Variants in BPNT2 observed in about 807,000 individuals in gnomAD.
The protein encoded by BPNT2 is Golgi-resident adenosine 3',5'-bisphosphate 3'-phosphatase.
BPNT2 carries 11 observed loss-of-function variants against 29.3 expected under a neutral mutation model. The observed-to-expected ratio is 0.38, with a 90% CI of 0.24 to 0.62. BPNT2 has a LOEUF of 0.62. Ranked by LOEUF, BPNT2 falls within the 20% of genes least tolerant of loss-of-function variation. BPNT2 has a pLI of 0.62. For synonymous variants in BPNT2, 195 were observed against 187.7 expected (o/e 1.04, Z -0.32); for missense variants, 459 against 473.4 (o/e 0.97, Z 0.28).
rs1220805717 is a variant in BPNT2 at position 56,960,724 on chromosome 8, T to C, written c.*3069A>G. ...TACCCAACTCTCTTGTATTTTTTTT[T>C]ACATTTACATTCTTGAACAATGGGT... On this transcript the variant is annotated 3_prime_UTR_variant, in exon 5 of 5. Coordinates refer to ENST00000262644, the MANE Select transcript of BPNT2 (RefSeq NM_017813.5). 6.6e-6 allele frequency: 1 copy of C among 152,194 alleles called. No homozygotes were observed. Among genetic ancestry groups the C allele is most frequent in the East Asian group, 1.9e-4 (1 of 5,196 alleles). The allele number at this position is 152,194 out of a possible 1,614,324, so 9.4% of individuals were successfully genotyped here. A position where few individuals can be genotyped will look rare whatever the true frequency, so the allele number is the denominator to read the frequency against.
chr8:56,959,903 A>G lies in BPNT2; in HGVS notation c.*3890T>C, dbSNP rs1211178752. ...TTCCCTTATTAACATACAATGCCCT[A>G]TTGTTAAGGCACAACTTTTTTTAGA... On this transcript the variant is annotated 3_prime_UTR_variant, in exon 5 of 5. Coordinates refer to ENST00000262644, the MANE Select transcript of BPNT2 (RefSeq NM_017813.5). 1 of 152,224 alleles carries G rather than the reference A, an allele frequency of 6.6e-6. No homozygotes were observed. The highest frequency in any genetic ancestry group is 1.5e-5 in the Non-Finnish European group (1 of 68,034). 9.4% of individuals were successfully genotyped at this position (152,224 alleles called of 1,614,324 possible).
At position 56,963,108 on chromosome 8, in the gene BPNT2, A is replaced by T. The variant is rs1805865900; in HGVS notation, c.*685T>A. On this transcript the variant is annotated 3_prime_UTR_variant, in exon 5 of 5. Coordinates refer to ENST00000262644, the MANE Select transcript of BPNT2 (RefSeq NM_017813.5). ...AGAAATGCTGAACTCATGGGTACAA[A>T]CACACTTTTCTTTATAAAAACAAAA... is the stretch of plus-strand genomic sequence containing the variant. 1 of 152,246 alleles carries T rather than the reference A, an allele frequency of 6.6e-6. No homozygotes were observed. Among genetic ancestry groups the T allele is most frequent in the African/African-American group, 2.4e-5 (1 of 41,448 alleles). The allele number at this position is 152,246 out of a possible 1,614,324, so 9.4% of individuals were successfully genotyped here.
chr8:56,966,505 T>TC (rs1436776137), intron 3 of BPNT2, among the ~76,000 whole-genome samples, 153 bp from the exon 4 acceptor site: 1 of 152,224 alleles, frequency 6.6e-6, no homozygotes. Flanking sequence ...GCTTTTTTTT[T>TC]CAGAGTACAA....
intron 4 of BPNT2, 96 bp downstream of exon 4, chr8:56,966,094 CT>C: frequency 1.5e-6 from 2 of 1,364,804 alleles, no homozygotes. Flanking sequence ...CTCCTCCTCA[CT>C]TTCCTCCCAA....
chr8:56,965,753 A>T (rs1461728086), intron 4 of BPNT2, among the ~76,000 whole-genome samples: 2 of 152,162 alleles, frequency 1.3e-5, no homozygotes, highest in African/African-American at 4.8e-5. Context: ...CAGGTTAAAG[A>T]GTTCAGGGGT....
chr8:56,965,318 C>CA (rs1805923009), intron 4 of BPNT2, among the ~76,000 whole-genome samples: 1 of 151,616 alleles, frequency 6.6e-6, no homozygotes, highest in Admixed American at 6.6e-5. Context: ...GACCCTATCT[C>CA]AAAAAAAGAA....
intron 1 of BPNT2, among the ~76,000 whole-genome samples, chr8:56,985,802 CTTCCCATGTGCCTTGTAGT>C (rs1447491382): frequency 6.6e-6 from 1 of 152,190 alleles, no homozygotes; most frequent in Non-Finnish European, 1.5e-5. Flanking sequence ...GAAGGCTATA[CTTCCCATGTGCCTTGTAGT>C]TAGAGGCAAA....
In BPNT2 at chr8:56,960,504, T is replaced by C. The variant is rs1054722726; in HGVS notation, c.*3289A>G. ...GTTACTTAAAACATACAAACCAAAA[T>C]GTTTTTGTTACTTCATTATATAGTA... is the stretch of plus-strand genomic sequence containing the variant. On this transcript the variant is annotated 3_prime_UTR_variant, in exon 5 of 5. Coordinates refer to ENST00000262644, the MANE Select transcript of BPNT2 (RefSeq NM_017813.5). 4 of 152,210 alleles carry C rather than the reference T, an allele frequency of 2.6e-5. No homozygotes were observed. Among genetic ancestry groups the C allele is most frequent in the Non-Finnish European group, 4.4e-5 (3 of 68,042 alleles). 9.4% of individuals were successfully genotyped at this position (152,210 alleles called of 1,614,324 possible).
At chr8:56,980,247 A>G in intron 1 of BPNT2, 50 bp from the exon 2 acceptor site, 1 of 1,445,238 alleles carries the variant, frequency 6.9e-7, no homozygotes, top group East Asian at 2.3e-5. Flanking sequence ...AACAATCACT[A>G]TTTGATAAAC....
chr8:56,971,350 T>G (rs1397226777), intron 3 of BPNT2, among the ~76,000 whole-genome samples: 2 of 151,114 alleles, frequency 1.3e-5, no homozygotes, highest in Non-Finnish European at 2.9e-5. Context: ...GAAATAACAA[T>G]TTATTATTAA....
intron 3 of BPNT2, among the ~76,000 whole-genome samples, chr8:56,972,342 G>A (rs1268437502): frequency 6.6e-6 from 1 of 151,550 alleles, no homozygotes; most frequent in African/African-American, 2.4e-5. Flanking sequence ...AGAAAAAGTT[G>A]AATTGCTTGA....
intron 3 of BPNT2, among the ~76,000 whole-genome samples, chr8:56,970,335 A>G (rs1806009913): frequency 6.6e-6 from 1 of 152,208 alleles, no homozygotes; most frequent in African/African-American, 2.4e-5. Context: ...AATCCAATCA[A>G]GGATTCAGAT....
chr8:56,971,786 C>CCCCCCT, intron 3 of BPNT2, among the ~76,000 whole-genome samples: 1 of 143,820 alleles, frequency 7.0e-6, no homozygotes, highest in East Asian at 2.1e-4. Context: ...TGTACCACCC[C>CCCCCCT]CCCCCCCACA....
intron 1 of BPNT2, among the ~76,000 whole-genome samples, chr8:56,985,072 A>T (rs1365368595): frequency 6.6e-6 from 1 of 151,816 alleles, no homozygotes; most frequent in Non-Finnish European, 1.5e-5. Context: ...ACTACCATTG[A>T]TAAAGAAGGA....
chr8:56,992,557 T>C (rs913460283), intron 1 of BPNT2, among the ~76,000 whole-genome samples: 4 of 152,274 alleles, frequency 2.6e-5, no homozygotes, highest in East Asian at 1.9e-4. Context: ...GGAGTAAATA[T>C]GGATCTTTAA....
At chr8:56,988,959 T>C (rs1806368999) in intron 1 of BPNT2, among the ~76,000 whole-genome samples, 1 of 152,174 alleles carries the variant, frequency 6.6e-6, no homozygotes, top group Non-Finnish European at 1.5e-5. Flanking sequence ...ATTCAAAAGA[T>C]ATAAGCTCTC....
intron 3 of BPNT2, among the ~76,000 whole-genome samples, chr8:56,970,509 A>G (rs1001115547): frequency 6.6e-6 from 1 of 152,202 alleles, no homozygotes; most frequent in African/African-American, 2.4e-5. Context: ...GGGTTGTTCT[A>G]GATTAAGAAA....
At chr8:56,985,834 A>G (rs1245828033) in intron 1 of BPNT2, among the ~76,000 whole-genome samples, 1 of 152,210 alleles carries the variant, frequency 6.6e-6, no homozygotes, top group Non-Finnish European at 1.5e-5. Flanking sequence ...GAGGCAAATG[A>G]GAGTGATTCT....
At chr8:56,976,502 A>G (rs536471562) in intron 3 of BPNT2, among the ~76,000 whole-genome samples, 4 of 152,296 alleles carry the variant, frequency 2.6e-5, no homozygotes, top group South Asian at 2.1e-4. Context: ...TTGTCATAGC[A>G]ATGGCATAAA....
Sources: gnomAD v4.1 joint callset for allele counts (sites outside exome capture counted in the v4.1 genomes callset) on GRCh38, gnomAD v4.1.1 for gene constraint, MANE v1.5 for transcripts, NCBI Gene and HGNC (gene_info 2026-07-23, HGNC 2026-07-21) for gene names.